The following KIF13B variants were observed in gnomAD, a reference collection of about 807,000 sequenced individuals.
The protein encoded by KIF13B is kinesin-like protein KIF13B.
A neutral mutation model predicts 222.0 loss-of-function variants in KIF13B; 127 were observed. The ratio of observed to expected loss-of-function variants is 0.57; its 90% CI spans 0.50 to 0.66. The LOEUF (loss-of-function observed/expected upper bound fraction) is 0.66. Ranked by LOEUF, KIF13B falls within the 30% of genes least tolerant of loss-of-function variation. KIF13B has a pLI of 0.00. For missense variants in KIF13B, 2,173 were observed against 2,379.0 expected, an observed-to-expected ratio of 0.91 and a Z score of 1.80; for synonymous variants, 976 against 919.0, an observed-to-expected ratio of 1.06 and a Z score of -1.12.
intron 37 of KIF13B, among the ~76,000 whole-genome samples, chr8:29,088,081 C>G (rs1222143472): frequency 6.6e-6 from 1 of 151,904 alleles, no homozygotes; most frequent in African/African-American, 2.4e-5. Context: ...TCCTGGCCAA[C>G]ATGGTGAAAC....
At chr8:29,261,917 AAAC>A (rs1275491702) in intron 1 of KIF13B, among the ~76,000 whole-genome samples, 8 of 152,208 alleles carry the variant, frequency 5.3e-5, no homozygotes, top group African/African-American at 1.7e-4. Flanking sequence ...AAGAAGAGGA[AAAC>A]AACCTATAAT....
chr8:29,109,589 T>G, intron 33 of KIF13B, 78 bp from the exon 34 acceptor site: 1 of 1,116,692 alleles, frequency 9.0e-7, no homozygotes, highest in Non-Finnish European at 1.4e-6. Context: ...ACAGCAGACT[T>G]GCAACCCCCA....
chr8:29,238,720 T>A (rs998725655), intron 2 of KIF13B, among the ~76,000 whole-genome samples: 2 of 152,178 alleles, frequency 1.3e-5, no homozygotes, highest in Admixed American at 1.3e-4. Context: ...TGTTAGAGCA[T>A]CTTCCCCACC....
Position 29,150,471 on chromosome 8 carries a change from T to C in KIF13B, c.1536-88A>G. ...CCCAATAACATAGAGATATAGTTAC[T>C]AGGGAAAACAATAATTCCCCCAAAC... On this transcript the variant is annotated intron_variant, in intron 14 of 39. Coordinates refer to ENST00000524189, the MANE Select transcript of KIF13B (RefSeq NM_015254.4). 4.6e-6 allele frequency: 3 copies of C among 647,516 alleles called. No homozygotes were observed. The South Asian group carries it at 5.7e-5, about 12-fold the overall frequency. The allele number at this position is 647,516 out of a possible 1,614,324, so 40.1% of individuals were successfully genotyped here. A position where few individuals can be genotyped will look rare whatever the true frequency, so the allele number is the denominator to read the frequency against.
At chr8:29,213,917 G>A (rs1208626193) in intron 2 of KIF13B, among the ~76,000 whole-genome samples, 2 of 152,084 alleles carry the variant, frequency 1.3e-5, no homozygotes, top group East Asian at 3.9e-4. Context: ...TTGAGCCACA[G>A]CACTCCAGTC....
intron 32 of KIF13B, 116 bp from the exon 33 acceptor site, chr8:29,110,186 T>A: frequency 1.1e-6 from 1 of 872,394 alleles, no homozygotes; most frequent in Non-Finnish European, 1.7e-6. Flanking sequence ...AAAGTCAGCT[T>A]TGGAACGCCA....
chr8:29,149,957 T>C (rs951320375), intron 15 of KIF13B, among the ~76,000 whole-genome samples: 2 of 152,008 alleles, frequency 1.3e-5, no homozygotes, highest in African/African-American at 4.8e-5. Flanking sequence ...TACGTTTCCG[T>C]AAAAAAATAA....
chr8:29,119,403 G>A (rs182630755), intron 29 of KIF13B, among the ~76,000 whole-genome samples: 2,671 of 152,264 alleles, frequency 0.018, 44 homozygotes, highest in Non-Finnish European at 0.029. Flanking sequence ...CTGGCTGCAT[G>A]GGCTGGAAAT....
At chr8:29,184,098 G>A (rs1261465729) in intron 6 of KIF13B, among the ~76,000 whole-genome samples, 3 of 151,868 alleles carry the variant, frequency 2.0e-5, no homozygotes, top group Admixed American at 6.6e-5. Flanking sequence ...TTCTCGCCCA[G>A]GATATAGTCT....
At chr8:29,089,965 A>G (rs894749724) in intron 37 of KIF13B, among the ~76,000 whole-genome samples, 20 of 151,994 alleles carry the variant, frequency 1.3e-4, no homozygotes, top group Non-Finnish European at 2.2e-4. Flanking sequence ...TGGCTGTTCA[A>G]CAAAGCCCAC....
At chr8:29,250,650 C>T (rs1036263342) in intron 1 of KIF13B, among the ~76,000 whole-genome samples, 3 of 152,096 alleles carry the variant, frequency 2.0e-5, no homozygotes, top group Non-Finnish European at 4.4e-5. Flanking sequence ...AATTCCCACC[C>T]CAACCCTGTC....
At chr8:29,228,472 A>AAAAAAAAAAAAAATATATATATAT in intron 2 of KIF13B, among the ~76,000 whole-genome samples, 15 of 117,076 alleles carry the variant, frequency 1.3e-4, no homozygotes, top group East Asian at 6.2e-4. Flanking sequence ...ATCTTAAAAA[A>AAAAAAAAAAAAAATATATATATAT]ATATATATAT....
chr8:29,191,816 T>TAAG (rs1813202999), intron 3 of KIF13B, among the ~76,000 whole-genome samples: 1 of 152,272 alleles, frequency 6.6e-6, no homozygotes, highest in Admixed American at 6.5e-5. Flanking sequence ...ACTGACTGCA[T>TAAG]CTTTCACTTT....
Position 29,215,380 on chromosome 8 carries a change from G to A in KIF13B, c.150-19181C>T, listed in dbSNP as rs114919638. 5.8e-3 allele frequency among the ~76,000 whole-genome samples: 881 copies of A among 152,226 alleles called. 6 individuals are homozygous for A. Among genetic ancestry groups the A allele is most frequent in the African/African-American group, 0.02 (814 of 41,532 alleles). ...ATTATTTCATGTCCCAGGATCGATC[G>A]AACCAACTCTATAGAACAGTATGCC... On this transcript the variant is annotated intron_variant, in intron 2 of 39. Coordinates refer to ENST00000524189, the MANE Select transcript of KIF13B (RefSeq NM_015254.4).
Position 29,140,746 on chromosome 8 carries a change from G to C in KIF13B, c.2335-129C>G, listed in dbSNP as rs1414140133. The C allele has an allele frequency of 2.0e-5, 17 of 859,022 alleles. No homozygotes were observed. In the East Asian group the frequency reaches 2.9e-4, roughly 15 times the overall value. 53.2% of individuals were successfully genotyped at this position (859,022 alleles called of 1,614,324 possible). On this transcript the variant is annotated intron_variant, in intron 19 of 39. Transcript: ENST00000524189. ...ATCATCCTAACTCTTGTATTTTTTA[G>C]AGTAAAACATTCTAAAGTTTTTGCT... is the stretch of plus-strand genomic sequence containing the variant.
chr8:29,228,472 A>AAAAAAAAATATATATAT, intron 2 of KIF13B, among the ~76,000 whole-genome samples: 5 of 117,082 alleles, frequency 4.3e-5, no homozygotes, highest in Admixed American at 1.8e-4. Flanking sequence ...ATCTTAAAAA[A>AAAAAAAAATATATATAT]ATATATATAT....
At chr8:29,246,789 T>C (rs1293723781) in intron 1 of KIF13B, among the ~76,000 whole-genome samples, 1 of 152,120 alleles carries the variant, frequency 6.6e-6, no homozygotes, top group Non-Finnish European at 1.5e-5. Context: ...TCCCCAGAAA[T>C]ATATACTGTC....
intron 2 of KIF13B, among the ~76,000 whole-genome samples, chr8:29,240,244 A>AT (rs1815710082): frequency 6.6e-6 from 1 of 151,968 alleles, no homozygotes; most frequent in South Asian, 2.1e-4. Flanking sequence ...TCATGTACAC[A>AT]TAATACTGGG....
At chr8:29,150,258 C>T (rs1180192158) in intron 15 of KIF13B, 39 bp downstream of exon 15, 3 of 1,133,404 alleles carry the variant, frequency 2.6e-6, no homozygotes, top group African/African-American at 1.5e-5. Flanking sequence ...AGAGCACAAT[C>T]TTCAACAATC....
Sources: gnomAD v4.1 joint callset for allele counts (sites outside exome capture counted in the v4.1 genomes callset) on GRCh38, gnomAD v4.1.1 for gene constraint, MANE v1.5 for transcripts, NCBI Gene and HGNC (gene_info 2026-07-23, HGNC 2026-07-21) for gene names.